MMP16: variants seen among roughly 807,000 people sequenced by gnomAD.
MMP16 encodes matrix metallopeptidase 16, also known as matrix metalloproteinase-16.
A neutral mutation model predicts 67.8 loss-of-function variants in MMP16; 12 were observed. That is an observed-to-expected ratio of 0.18 (90% CI 0.11 to 0.29). MMP16 has a LOEUF of 0.29. MMP16 is among the 10% of genes least tolerant of loss of function. The probability of loss-of-function intolerance (pLI) is 1.00; values close to 1 mark genes in which losing one functional copy is unlikely to be tolerated. For missense variants in MMP16, 475 were observed against 765.7 expected (o/e 0.62, Z 4.48); for synonymous variants, 249 against 255.9 (o/e 0.97, Z 0.26).
intron 7 of MMP16, among the ~76,000 whole-genome samples, chr8:88,061,127 T>TACACACACACAC (rs149547108): frequency 1.4e-4 from 20 of 143,068 alleles, no homozygotes; most frequent in African/African-American, 3.7e-4. Flanking sequence ...CTGAATATTA[T>TACACACACACAC]ACACACACAC....
At chr8:88,235,850 C>A (rs560545985) in intron 1 of MMP16, among the ~76,000 whole-genome samples, 1 of 152,028 alleles carries the variant, frequency 6.6e-6, no homozygotes, top group African/African-American at 2.4e-5. Context: ...GTTTTCTATA[C>A]ACATTTGTAT....
chr8:88,307,343 A>G (rs1444499493), intron 1 of MMP16, among the ~76,000 whole-genome samples: 1 of 152,122 alleles, frequency 6.6e-6, no homozygotes, highest in Non-Finnish European at 1.5e-5. Flanking sequence ...ATATTCCATC[A>G]AATATTCAAC....
At position 88,071,483 on chromosome 8, in the gene MMP16, A is replaced by G. The variant is rs112820070; in HGVS notation, c.1222+3122T>C. ...TAATTGTCTAGCACAGATTGGAAGA[A>G]GAAAAAAAAACATAAAAGATGATTT... On this transcript the variant is annotated intron_variant, in intron 7 of 9. Transcript: ENST00000286614. Among the ~76,000 whole-genome samples the G allele has an allele frequency of 4.8e-3, 724 of 152,282 alleles. 8 individuals carry two copies. The highest frequency in any genetic ancestry group is 0.016 in the African/African-American group (677 of 41,584).
chr8:88,062,440 A>G (rs1485946492), intron 7 of MMP16, among the ~76,000 whole-genome samples: 1 of 152,170 alleles, frequency 6.6e-6, no homozygotes, highest in Non-Finnish European at 1.5e-5. Flanking sequence ...GGATTAAGAA[A>G]ATGTGGCACA....
chr8:88,036,158 A>G lies in MMP16; in HGVS notation c.*5303T>C, dbSNP rs1298093769. 6.6e-6 allele frequency: 1 copy of G among 151,924 alleles called. No individual in the cohort carries two copies. Among genetic ancestry groups the G allele is most frequent in the Non-Finnish European group, 1.5e-5 (1 of 67,860 alleles). 9.4% of individuals were successfully genotyped at this position (151,924 alleles called of 1,614,324 possible). A position where few individuals can be genotyped will look rare whatever the true frequency, so the allele number is the denominator to read the frequency against. On this transcript the variant is annotated 3_prime_UTR_variant, in exon 10 of 10. Coordinates refer to ENST00000286614, the MANE Select transcript of MMP16 (RefSeq NM_005941.5). ...TGAGGTTACTGAACACCTACCTCTT[A>G]CATTTTTAGCCTGTAAGGCAATGCA...
At chr8:88,174,902 C>T (rs756630737) in intron 3 of MMP16, among the ~76,000 whole-genome samples, 14 of 151,970 alleles carry the variant, frequency 9.2e-5, no homozygotes, top group Non-Finnish European at 1.3e-4. Flanking sequence ...AAAACGCACG[C>T]GCCACCACGC....
At chr8:88,071,185 C>T (rs972298288) in intron 7 of MMP16, among the ~76,000 whole-genome samples, 3 of 151,946 alleles carry the variant, frequency 2.0e-5, no homozygotes, top group African/African-American at 7.2e-5. Context: ...TCTCATTCTT[C>T]TTAAGATTTA....
chr8:88,111,294 A>G (rs1268999749), intron 6 of MMP16, among the ~76,000 whole-genome samples: 1 of 151,760 alleles, frequency 6.6e-6, no homozygotes, highest in Non-Finnish European at 1.5e-5. Context: ...CACATATTGC[A>G]GTTCCTTTTC....
At chr8:88,270,911 C>T (rs1307838629) in intron 1 of MMP16, among the ~76,000 whole-genome samples, 1 of 152,206 alleles carries the variant, frequency 6.6e-6, no homozygotes, top group African/African-American at 2.4e-5. Flanking sequence ...ATTCCAGCAA[C>T]TATTTGAAAA....
intron 1 of MMP16, among the ~76,000 whole-genome samples, chr8:88,256,499 T>G (rs1436227547): frequency 1.3e-5 from 2 of 152,148 alleles, no homozygotes; most frequent in African/African-American, 4.8e-5. Flanking sequence ...CTTTCCCATC[T>G]CAGAAGAAAA....
chr8:88,086,515 A>G (rs1353294707), intron 6 of MMP16, among the ~76,000 whole-genome samples: 1 of 151,900 alleles, frequency 6.6e-6, no homozygotes, highest in Non-Finnish European at 1.5e-5. Flanking sequence ...AGCTAATTTC[A>G]AAATGCTGTG....
At position 88,096,207 on chromosome 8, in the gene MMP16, A is replaced by G. The variant is rs141992221; in HGVS notation, c.1083+20300T>C. Among the ~76,000 whole-genome samples the G allele has an allele frequency of 2.2e-4, 34 of 152,060 alleles. 1 individual carries two copies. Among genetic ancestry groups the G allele is most frequent in the African/African-American group, 8.2e-4 (34 of 41,548 alleles). On this transcript the variant is annotated intron_variant, in intron 6 of 9. Transcript: ENST00000286614. ...ACTATACCAGTTGTTAATAATATTT[A>G]TAAGTTTCATTGAAAGAATATTAAT...
intron 4 of MMP16, among the ~76,000 whole-genome samples, chr8:88,151,531 A>G (rs1808407644): frequency 6.8e-6 from 1 of 146,260 alleles, no homozygotes; most frequent in Admixed American, 6.8e-5. Flanking sequence ...CCACAGTGCA[A>G]TCAAACTAGA....
At chr8:88,088,082 CTATATAT>C (rs775722882) in intron 6 of MMP16, among the ~76,000 whole-genome samples, 2 of 39,820 alleles carry the variant, frequency 5.0e-5, no homozygotes, top group Non-Finnish European at 5.5e-5. Context: ...ATCTATATAT[CTATATAT>C]AATAGATATC....
intron 1 of MMP16, among the ~76,000 whole-genome samples, chr8:88,319,026 C>T (rs1169372313): frequency 6.6e-6 from 1 of 152,030 alleles, no homozygotes; most frequent in African/African-American, 2.4e-5. Flanking sequence ...TTATAAAATC[C>T]ACGCTACAGA....
intron 1 of MMP16, among the ~76,000 whole-genome samples, chr8:88,302,974 G>A (rs149757128): frequency 3.9e-5 from 6 of 152,312 alleles, no homozygotes; most frequent in Non-Finnish European, 7.3e-5. Flanking sequence ...TCCCACTCGG[G>A]AAACCACACT....
At chr8:88,127,899 C>T (rs1319372259) in intron 4 of MMP16, among the ~76,000 whole-genome samples, 3 of 151,706 alleles carry the variant, frequency 2.0e-5, no homozygotes. Flanking sequence ...GTGAGCTTAC[C>T]CTACAAGAAA....
At chr8:88,069,298 C>T (rs1044954998) in intron 7 of MMP16, 2 of 347,004 alleles carry the variant, frequency 5.8e-6, no homozygotes, top group Non-Finnish European at 5.8e-6. Context: ...ATTGATCCCT[C>T]GGTATTTGGT....
chr8:88,154,189 A>G (rs1808463872), intron 4 of MMP16, among the ~76,000 whole-genome samples: 1 of 116,400 alleles, frequency 8.6e-6, no homozygotes, highest in African/African-American at 3.4e-5. Context: ...ACCAGTTAGA[A>G]TGGCAATCAT....
Sources: gnomAD v4.1 joint callset for allele counts (sites outside exome capture counted in the v4.1 genomes callset) on GRCh38, gnomAD v4.1.1 for gene constraint, MANE v1.5 for transcripts, NCBI Gene and HGNC (gene_info 2026-07-23, HGNC 2026-07-21) for gene names.